PPRC1: variants seen among roughly 807,000 people sequenced by gnomAD.
PPRC1 encodes the protein PPARG related coactivator 1.
In PPRC1, 23 loss-of-function variants were observed where a neutral mutation model predicts 132.5. The ratio of observed to expected loss-of-function variants is 0.17; its 90% CI spans 0.12 to 0.25. The LOEUF is 0.25. Ranked by LOEUF, PPRC1 falls within the 10% of genes least tolerant of loss-of-function variation. PPRC1 has a pLI of 1.00. For missense variants in PPRC1, 2,006 were observed against 2,089.1 expected, an observed-to-expected ratio of 0.96 and a Z score of 0.78; for synonymous variants, 872 against 833.5, an observed-to-expected ratio of 1.05 and a Z score of -0.80.
upstream of PPRC1, among the ~76,000 whole-genome samples, chr10:102,128,534 AAAAGAGGGAG>A (rs2068496150): frequency 6.6e-6 from 1 of 152,120 alleles, no homozygotes; most frequent in Non-Finnish European, 1.5e-5. Flanking sequence ...CAAGAGATCC[AAAAGAGGGAG>A]AAAGAGAGAG....
intron 13 of PPRC1, 85 bp from the exon 14 acceptor site, chr10:102,149,841 T>G: frequency 2.0e-6 from 2 of 1,025,524 alleles, no homozygotes; most frequent in East Asian, 2.4e-5. Flanking sequence ...CATCCGTTTT[T>G]GGGATGGGAG....
chr10:102,140,866 C>G lies in PPRC1; in HGVS notation c.2358C>G (p.Pro786=), dbSNP rs772886176. 2.5e-6 allele frequency: 4 copies of G among 1,614,014 alleles called. No homozygotes were observed. The highest frequency in any genetic ancestry group is 3.4e-6 in the Non-Finnish European group (4 of 1,180,038). ...TGKWPSLPET[P]TGLADIPCLV... is the part of the protein sequence containing the mutation. ...AGTGGCCTAGCCTTCCAGAGACTCC[C>G]ACAGGGCTGGCAGACATCCCTTGTC... The change falls in exon 5 of 14, where the codon CCC becomes CCG. Residue 786 remains proline (P), a synonymous_variant. Coordinates refer to ENST00000278070, the MANE Select transcript of PPRC1 (RefSeq NM_015062.5).
rs2068993513 is a variant in PPRC1 at position 102,141,796 on chromosome 10, A to T, written c.3288A>T (p.Ala1096=). 6.2e-7 allele frequency: 1 copy of T among 1,613,986 alleles called. No homozygotes were observed. Among genetic ancestry groups the T allele is most frequent in the Non-Finnish European group, 8.5e-7 (1 of 1,179,926 alleles). ...SAEGVTVEEP[A]SERLKPETQE... ...AAGGTGTGACTGTTGAGGAGCCTGC[A>T]TCAGAGAGGCTAAAGCCTGAGACCC... The change falls in exon 5 of 14, where the codon GCA becomes GCT. Residue 1096 remains alanine (A), a synonymous_variant. Transcript: ENST00000278070.
At chr10:102,127,327 C>G in the PPRC1 span, among the ~76,000 whole-genome samples, 2 of 151,760 alleles carry the variant, frequency 1.3e-5, no homozygotes, top group African/African-American at 4.8e-5. Flanking sequence ...TGGGCTGAGA[C>G]CACGCCACTG....
chr10:102,143,156 C>A, intron 6 of PPRC1, 58 bp downstream of exon 6: 2 of 1,528,072 alleles, frequency 1.3e-6, no homozygotes, highest in Non-Finnish European at 1.8e-6. Flanking sequence ...TTTTTTGGGC[C>A]CAGCCCTGTA....
chr10:102,146,699 A>G lies in PPRC1; in HGVS notation c.3707A>G (p.His1236Arg). The change falls in exon 9 of 14, where the codon CAC becomes CGC. Residue 1236 changes from histidine to arginine, a missense_variant. Physicochemically the swap from His to Arg is conservative, Grantham distance 29 (BLOSUM62 0). Around this residue, in one of 2 missense-constraint regions of PPRC1, gnomAD observed 1,914 missense variants for 1,917.2 expected, o/e 1.00. Transcript: ENST00000278070. Reference sequence around the variant, plus strand: ...CTCACCCCTCCAGCTACCCCTCCCCACCAGTTATGGAAGCCCCTGGCTGCT... The same window carrying G: ...CTCACCCCTCCAGCTACCCCTCCCCGCCAGTTATGGAAGCCCCTGGCTGCT... ...AGLTPPATPP[H>R]QLWKPLAAVS... is the part of the protein sequence containing the mutation. 1 of 1,611,298 alleles carries G rather than the reference A, an allele frequency of 6.2e-7. No individual in the cohort carries two copies.
chr10:102,147,282 C>G lies in PPRC1; in HGVS notation c.4290C>G (p.Val1430=), dbSNP rs2069302082. 1 of 1,612,924 alleles carries G rather than the reference C, an allele frequency of 6.2e-7. No individual in the cohort carries two copies. Among genetic ancestry groups the G allele is most frequent in the Non-Finnish European group, 8.5e-7 (1 of 1,180,046 alleles). ...GCCGAGGCCGCAACAGCCGTTCTGT[C>G]AGCTCTGGGTCCAACCGGACTAGCG... ...QGRRGRNSRS[V]SSGSNRTSEA... The change falls in exon 9 of 14, where the codon GTC becomes GTG. Residue 1430 remains valine (V), a synonymous_variant. Transcript: ENST00000278070.
upstream of PPRC1, among the ~76,000 whole-genome samples, chr10:102,130,505 G>A (rs1236236391): frequency 6.6e-6 from 1 of 151,750 alleles, no homozygotes; most frequent in Non-Finnish European, 1.5e-5. Context: ...GGAGGCTGAG[G>A]CAGGCAGATC....
chr10:102,138,987 C>T lies in PPRC1; in HGVS notation c.591+7C>T. The T allele has an allele frequency of 6.2e-7, 1 of 1,612,044 alleles. No homozygotes were observed. Among genetic ancestry groups the T allele is most frequent in the Non-Finnish European group, 8.5e-7 (1 of 1,178,070 alleles). Reference sequence around the variant, plus strand: ...CAGCAGTAGAGGGAGTGGGGTAAGCCTGACCTAGAGGGTTTCAGAAACTCC... The same window carrying T: ...CAGCAGTAGAGGGAGTGGGGTAAGCTTGACCTAGAGGGTTTCAGAAACTCC... On this transcript the variant is annotated splice_region_variant and intron_variant, in intron 4 of 13. Coordinates refer to ENST00000278070, the MANE Select transcript of PPRC1 (RefSeq NM_015062.5).
At position 102,144,943 on chromosome 10, in the gene PPRC1, T is replaced by C. The variant is rs1164660833; in HGVS notation, c.3609-77T>C. On this transcript the variant is annotated intron_variant, in intron 7 of 13. Transcript: ENST00000278070. ...TCTTCTCTGCACCCACCCCCTCCCA[T>C]TGATTTCTGAGAAAGGCAAATGTAT... 1.3e-5 allele frequency: 9 copies of C among 717,922 alleles called. 1 individual carries two copies. The highest frequency in any genetic ancestry group is 5.9e-5 in the South Asian group (4 of 67,396). The allele number at this position is 717,922 out of a possible 1,614,324, so 44.5% of individuals were successfully genotyped here.
intron 8 of PPRC1, among the ~76,000 whole-genome samples, chr10:102,146,131 G>A (rs2069236343): frequency 6.6e-6 from 1 of 152,172 alleles, no homozygotes; most frequent in African/African-American, 2.4e-5. Context: ...AGTGGGCAGA[G>A]GTAAAGCGAG....
chr10:102,136,357 T>G (rs1043000373), intron 1 of PPRC1, among the ~76,000 whole-genome samples: 3 of 152,216 alleles, frequency 2.0e-5, no homozygotes, highest in Middle Eastern at 3.4e-3. Flanking sequence ...TGCTTTTTTC[T>G]TTTGGAAGTG....
chr10:102,143,953 G>A (rs192707313), intron 6 of PPRC1, among the ~76,000 whole-genome samples: 3 of 152,348 alleles, frequency 2.0e-5, no homozygotes, highest in African/African-American at 7.2e-5. Flanking sequence ...AGAGTAGGCT[G>A]TGAGGCCAGG....
rs1002796581 is a variant in PPRC1, at chr10:102,140,283, C to G, written c.1775C>G (p.Ala592Gly). The change falls in exon 5 of 14, where the codon GCT becomes GGT. Residue 592 changes from alanine (A) to glycine (G), a missense_variant. Ala to Gly is a moderately conservative substitution (Grantham distance 60). Around this residue, in one of 2 missense-constraint regions of PPRC1, gnomAD observed 1,914 missense variants for 1,917.2 expected, o/e 1.00. Transcript: ENST00000278070. ...CCCATGCCAGTTGACTCTGTTGAAGCTGATCCCACTGCAGTTGGCCCTGTT... is the reference window on the plus strand; with the variant it reads ...CCCATGCCAGTTGACTCTGTTGAAGGTGATCCCACTGCAGTTGGCCCTGTT... ...ASPMPVDSVEADPTAVGPVLA... is the reference protein window; with the variant it reads ...ASPMPVDSVEGDPTAVGPVLA... The G allele has an allele frequency of 3.7e-6, 6 of 1,614,228 alleles. No individual in the cohort carries two copies. The highest frequency in any genetic ancestry group is 2.2e-5 in the East Asian group (1 of 44,890).
chr10:102,136,051 G>A (rs538627549), intron 1 of PPRC1, among the ~76,000 whole-genome samples: 1 of 152,316 alleles, frequency 6.6e-6, no homozygotes, highest in African/African-American at 2.4e-5. Flanking sequence ...TTCCAGCTTA[G>A]TCGCTGGGGC....
At chr10:102,128,621 T>G (rs76476565), upstream of PPRC1, among the ~76,000 whole-genome samples, 13,524 of 151,474 alleles carry the variant, frequency 0.089, 832 homozygotes, top group African/African-American at 0.18. Context: ...TTTTTTTTTT[T>G]TCTTTTTTTT....
the PPRC1 span, among the ~76,000 whole-genome samples, chr10:102,126,455 T>A: frequency 6.7e-6 from 1 of 150,146 alleles, no homozygotes; most frequent in Non-Finnish European, 1.5e-5. Context: ...TTGTGAACTA[T>A]AACTTTTTTT....
At position 102,148,912 on chromosome 10, in the gene PPRC1, G is replaced by A; in HGVS notation, c.4713G>A (p.Glu1571=). ...QRFSVFGEIE[E]CTIHFRVQGD... The stretch of plus-strand genomic sequence containing the variant: ...TCTCCGTTTTTGGAGAGATTGAGGA[G>A]TGCACCATCCACTTCCGTGTCCAAG... The change falls in exon 12 of 14, where the codon GAG becomes GAA. Residue 1571 remains glutamate, a synonymous_variant. Transcript: ENST00000278070. The surrounding 1 kb of genome is among the most constrained non-coding windows in gnomAD (Gnocchi z 4.2). 1 of 1,614,206 alleles carries A rather than the reference G, an allele frequency of 6.2e-7. No individual in the cohort carries two copies. Among genetic ancestry groups the A allele is most frequent in the South Asian group, 1.1e-5 (1 of 91,082 alleles).
chr10:102,120,040 G>T, the PPRC1 span: 1 of 1,393,680 alleles, frequency 7.2e-7, no homozygotes, highest in East Asian at 3.0e-5. Flanking sequence ...GGGTCCGCAG[G>T]GACGGCTGGG....
Sources: allele counts gnomAD v4.1 joint callset (sites outside exome capture counted in the v4.1 genomes callset), GRCh38; gene constraint gnomAD v4.1.1; regional missense constraint gnomAD v4.1.1; non-coding constraint Gnocchi (gnomAD v3.1); transcripts MANE v1.5; gene names NCBI Gene and HGNC (gene_info 2026-07-23, HGNC 2026-07-21).